Variants in RALGAPA2 observed in about 807,000 individuals in gnomAD.
The protein encoded by RALGAPA2 is ral GTPase-activating protein subunit alpha-2.
In RALGAPA2, 139 loss-of-function variants were observed where a neutral mutation model predicts 230.4. That is an observed-to-expected ratio of 0.60 (90% CI 0.53 to 0.69). The LOEUF is 0.69. Ranked by LOEUF, RALGAPA2 falls within the 30% of genes least tolerant of loss-of-function variation. RALGAPA2 has a pLI of 0.00. For missense variants in RALGAPA2, 2,163 were observed against 2,276.0 expected (o/e 0.95, Z 1.01); for synonymous variants, 847 against 837.8 (o/e 1.01, Z -0.19).
At chr20:20,589,136 T>A in intron 18 of RALGAPA2, 132 bp downstream of exon 18, 1 of 1,225,376 alleles carries the variant, frequency 8.2e-7, no homozygotes, top group Non-Finnish European at 1.1e-6. Context: ...GATCTCAACA[T>A]CATTTGGGCC....
chr20:20,602,897 G>C (rs1449965495), intron 15 of RALGAPA2, among the ~76,000 whole-genome samples: 3 of 151,946 alleles, frequency 2.0e-5, no homozygotes, highest in Non-Finnish European at 4.4e-5. Flanking sequence ...TTGAAGGTAG[G>C]TCCTTATCTC....
chr20:20,537,619 C>CAAAAAAAAAAAAAAAAAA (rs373034061), intron 24 of RALGAPA2, among the ~76,000 whole-genome samples: 3 of 41,090 alleles, frequency 7.3e-5, no homozygotes, highest in Non-Finnish European at 1.2e-4. Context: ...GACTCCATCT[C>CAAAAAAAAAAAAAAAAAA]AAAAAAAAAA....
chr20:20,550,995 T>C (rs1435136464), intron 23 of RALGAPA2, among the ~76,000 whole-genome samples: 2 of 152,216 alleles, frequency 1.3e-5, no homozygotes, highest in Non-Finnish European at 2.9e-5. Flanking sequence ...ACAAGCCTCT[T>C]AGATCGCACA....
At chr20:20,472,767 A>AACTG in intron 37 of RALGAPA2, 62 bp downstream of exon 37, 1 of 1,544,356 alleles carries the variant, frequency 6.5e-7, no homozygotes, top group Non-Finnish European at 8.7e-7. Flanking sequence ...TCTTATGAAA[A>AACTG]ACTGCCAGGA....
chr20:20,635,602 C>A lies in RALGAPA2; in HGVS notation c.821G>T (p.Arg274Ile). The A allele has an allele frequency of 1.3e-6, 2 of 1,553,524 alleles. No individual in the cohort carries two copies. Among genetic ancestry groups the A allele is most frequent in the Non-Finnish European group, 1.7e-6 (2 of 1,157,126 alleles). ...YKPVLDIPHLRPKPVYITTTR... is the reference protein window; with the variant it reads ...YKPVLDIPHLIPKPVYITTTR... ...GGTAGTAATGTACACAGGCTTTGGT[C>A]TCAAATGGGGGATGTCTGGTAGAAG... The change falls in exon 9 of 40, where the codon AGA becomes ATA. Residue 274 changes from arginine to isoleucine, a missense_variant. Arg to Ile is a moderately conservative substitution (Grantham distance 97). Transcript: ENST00000202677.
At chr20:20,451,002 C>T (rs1006970747) in intron 37 of RALGAPA2, among the ~76,000 whole-genome samples, 3 of 152,204 alleles carry the variant, frequency 2.0e-5, no homozygotes, top group African/African-American at 7.2e-5. Context: ...GGAGCAACAA[C>T]AAACATAGCT....
At chr20:20,584,195 T>C (rs548303846) in intron 19 of RALGAPA2, among the ~76,000 whole-genome samples, 6 of 152,316 alleles carry the variant, frequency 3.9e-5, no homozygotes, top group African/African-American at 1.4e-4. Context: ...TTTTACAATA[T>C]ATGATAATAC....
intron 1 of RALGAPA2, among the ~76,000 whole-genome samples, chr20:20,684,838 C>T (rs1398515288): frequency 6.6e-6 from 1 of 152,148 alleles, no homozygotes; most frequent in Non-Finnish European, 1.5e-5. Context: ...AAGAACGGAG[C>T]TTGGTACAAG....
chr20:20,556,443 T>A (rs2064084533), intron 23 of RALGAPA2, among the ~76,000 whole-genome samples: 1 of 152,166 alleles, frequency 6.6e-6, no homozygotes, highest in African/African-American at 2.4e-5. Flanking sequence ...TGTAGGGTCA[T>A]GGAGAGAAGT....
intron 36 of RALGAPA2, among the ~76,000 whole-genome samples, chr20:20,487,377 T>A (rs934025455): frequency 1.3e-5 from 2 of 152,246 alleles, no homozygotes; most frequent in South Asian, 2.1e-4. Context: ...TACTCCCTGT[T>A]ACTATACAAA....
chr20:20,703,880 G>GCTA (rs2069495347), intron 1 of RALGAPA2, among the ~76,000 whole-genome samples: 1 of 152,156 alleles, frequency 6.6e-6, no homozygotes, highest in African/African-American at 2.4e-5. Context: ...CAACATCTGT[G>GCTA]CTACTTAAAC....
In RALGAPA2 at chr20:20,571,609, G is replaced by A. The variant is rs761475863; in HGVS notation, c.3005C>T (p.Ala1002Val). 10 of 1,608,074 alleles carry A rather than the reference G, an allele frequency of 6.2e-6. No homozygotes were observed. The highest frequency in any genetic ancestry group is 2.7e-5 in the African/African-American group (2 of 74,856). The change falls in exon 23 of 40, where the codon GCG (alanine) becomes GTG (valine). Residue 1002 changes from alanine (A) to valine (V), a missense_variant. Coordinates refer to ENST00000202677, the MANE Select transcript of RALGAPA2 (RefSeq NM_020343.4). ...TTCCTTATATTCATTTGGCAGTGTC[G>A]CCGCCTGTCAAGGAGATGATGTTTC... ...RMFASWLFKA[A>V]TLPNEYKEGK...
chr20:20,540,533 T>C (rs907255097), intron 24 of RALGAPA2, among the ~76,000 whole-genome samples: 1 of 152,244 alleles, frequency 6.6e-6, no homozygotes, highest in Non-Finnish European at 1.5e-5. Context: ...TTTTTCTTTA[T>C]TGCAAGCTGG....
chr20:20,585,041 AAAAG>A, intron 18 of RALGAPA2, 86 bp from the exon 19 acceptor site: 1 of 713,984 alleles, frequency 1.4e-6, no homozygotes. Flanking sequence ...TTTCTAAAGA[AAAAG>A]AAACAAATAA....
chr20:20,407,543 G>A (rs2059972473), intron 38 of RALGAPA2, among the ~76,000 whole-genome samples: 1 of 152,208 alleles, frequency 6.6e-6, no homozygotes, highest in African/African-American at 2.4e-5. Context: ...TCTGGGCAAA[G>A]GCTGGTGAGT....
chr20:20,658,722 A>G (rs958616122), intron 3 of RALGAPA2, among the ~76,000 whole-genome samples: 1 of 152,196 alleles, frequency 6.6e-6, no homozygotes, highest in African/African-American at 2.4e-5. Flanking sequence ...TTTTCTTCAG[A>G]ACCTACTGCA....
intron 36 of RALGAPA2, among the ~76,000 whole-genome samples, chr20:20,481,467 G>A (rs898708741): frequency 2.0e-5 from 3 of 152,130 alleles, no homozygotes; most frequent in Non-Finnish European, 2.9e-5. Context: ...GAATGTGCGT[G>A]GCTTAACTTA....
chr20:20,691,543 C>A (rs1403098842), intron 1 of RALGAPA2, among the ~76,000 whole-genome samples: 1 of 152,066 alleles, frequency 6.6e-6, no homozygotes, highest in African/African-American at 2.4e-5. Flanking sequence ...ATAAAACAAA[C>A]ACCTTAAATC....
At chr20:20,404,734 G>A (rs1325785215) in intron 38 of RALGAPA2, among the ~76,000 whole-genome samples, 1 of 152,234 alleles carries the variant, frequency 6.6e-6, no homozygotes, top group African/African-American at 2.4e-5. Flanking sequence ...CCCCTGAGCT[G>A]TAATTAGCAG....
Sources: allele counts gnomAD v4.1 joint callset (sites outside exome capture counted in the v4.1 genomes callset), GRCh38; gene constraint gnomAD v4.1.1; transcripts MANE v1.5; gene names NCBI Gene and HGNC (gene_info 2026-07-23, HGNC 2026-07-21).